The following ISOC2 variants were observed in gnomAD, a reference collection of about 807,000 sequenced individuals.
ISOC2 encodes the protein isochorismatase domain containing 2, also known as isochorismatase domain-containing protein 2.
ISOC2 carries 15 observed loss-of-function variants against 19.3 expected under a neutral mutation model. That is an observed-to-expected ratio of 0.78 (90% CI 0.52 to 1.20). The LOEUF (loss-of-function observed/expected upper bound fraction) is 1.20. ISOC2 is among the 50% of genes most tolerant of loss of function. The pLI, the probability that ISOC2 is intolerant of heterozygous loss-of-function variation, is 0.00. For synonymous variants in ISOC2, 106 were observed against 115.8 expected (o/e 0.92, Z 0.54); for missense variants, 285 against 272.4 (o/e 1.05, Z -0.33).
chr19:55,454,441 G>C (rs1311213223), intron 5 of ISOC2: 4 of 157,298 alleles, frequency 2.5e-5, no homozygotes, highest in Non-Finnish European at 5.6e-5. Flanking sequence ...GGAATGTCAA[G>C]GTCTGGGGCC....
intron 1 of ISOC2, among the ~76,000 whole-genome samples, chr19:55,459,509 T>C (rs1330229491): frequency 2.6e-5 from 4 of 151,862 alleles, no homozygotes; most frequent in African/African-American, 9.7e-5. Context: ...GACAGAAAAA[T>C]GATCTTTTCA....
chr19:55,461,266 G>T (rs1986230664), intron 1 of ISOC2, among the ~76,000 whole-genome samples: 1 of 152,184 alleles, frequency 6.6e-6, no homozygotes, highest in Non-Finnish European at 1.5e-5. Flanking sequence ...CTTTGTCTTA[G>T]CCTCAGTTTT....
chr19:55,461,155 G>A (rs939811100), intron 1 of ISOC2, among the ~76,000 whole-genome samples: 49 of 151,978 alleles, frequency 3.2e-4, no homozygotes, highest in African/African-American at 1.2e-3. Flanking sequence ...GAGGTGGGCG[G>A]CAACAGGGGG....
chr19:55,457,623 G>T (rs1986102849), intron 1 of ISOC2, among the ~76,000 whole-genome samples: 1 of 152,098 alleles, frequency 6.6e-6, no homozygotes, highest in Non-Finnish European at 1.5e-5. Flanking sequence ...GAGGCCAGGG[G>T]TTTGAGACCA....
Position 55,454,132 on chromosome 19 carries a change from G to A in ISOC2, c.538-744C>T, listed in dbSNP as rs114641864. 3.9e-3 allele frequency: 596 copies of A among 152,736 alleles called. 3 individuals carry two copies. The highest frequency in any genetic ancestry group is 0.012 in the African/African-American group (482 of 41,518). The allele number at this position is 152,736 out of a possible 1,614,324, so 9.5% of individuals were successfully genotyped here. ...TGAAGACAGGCTGCTGGCTCCTCCC[G>A]CGTGGTGCTCACCCTGGCCTGCTAC... On this transcript the variant is annotated intron_variant, in intron 5 of 5. Transcript: ENST00000425675.
intron 5 of ISOC2, chr19:55,454,738 A>C: frequency 1.9e-6 from 1 of 529,798 alleles, no homozygotes; most frequent in Non-Finnish European, 3.4e-6. Flanking sequence ...ACCCTCCAAT[A>C]CAAACCCCCT....
intron 1 of ISOC2, among the ~76,000 whole-genome samples, chr19:55,458,768 C>T (rs1358513076): frequency 6.6e-6 from 1 of 151,726 alleles, no homozygotes; most frequent in Non-Finnish European, 1.5e-5. Context: ...CCTCGTGATC[C>T]ACCCGCCTCA....
In ISOC2 at chr19:55,455,299, A is replaced by G. The variant is rs1433355255; in HGVS notation, c.380T>C (p.Leu127Pro). Residue 127 changes from leucine (L) to proline (P), a missense_variant, in exon 4 of 6, where the codon CTG becomes CCG. By Grantham distance (98) the Leu-to-Pro change is moderately conservative. Transcript: ENST00000425675. ...GGCGTCCACCACCACATGGACCTGC[A>G]GCCCCCGGTCTAGGAGGTCCAGGGT... ...NTTLDLLDRGLQVHVVVDACS... is the reference protein window; with the variant it reads ...NTTLDLLDRGPQVHVVVDACS... 1 of 1,613,890 alleles carries G rather than the reference A, an allele frequency of 6.2e-7. No homozygotes were observed. Among genetic ancestry groups the G allele is most frequent in the Non-Finnish European group, 8.5e-7 (1 of 1,179,876 alleles).
At chr19:55,456,718 C>A (rs1986072760) in intron 1 of ISOC2, among the ~76,000 whole-genome samples, 1 of 152,166 alleles carries the variant, frequency 6.6e-6, no homozygotes, top group African/African-American at 2.4e-5. Flanking sequence ...CCTTCTGGGC[C>A]ACATCCACAC....
intron 1 of ISOC2, among the ~76,000 whole-genome samples, chr19:55,458,757 A>T (rs1285584221): frequency 6.6e-6 from 1 of 151,152 alleles, no homozygotes; most frequent in Non-Finnish European, 1.5e-5. Context: ...TGAACTCCTG[A>T]CCTCGTGATC....
chr19:55,453,570 T>C, intron 5 of ISOC2, 182 bp from the exon 6 acceptor site: 1 of 470,606 alleles, frequency 2.1e-6, no homozygotes, highest in African/African-American at 2.0e-5. Context: ...CGTGACTGGT[T>C]GAGCTCCTCA....
intron 1 of ISOC2, among the ~76,000 whole-genome samples, chr19:55,460,323 A>G (rs1208930080): frequency 2.6e-5 from 4 of 152,238 alleles, no homozygotes; most frequent in Non-Finnish European, 4.4e-5. Context: ...CAAAGAAAAA[A>G]GGGAGAGGAA....
In ISOC2 at chr19:55,455,763, G is replaced by T; in HGVS notation, c.221C>A (p.Thr74Asn). 2 of 1,586,924 alleles carry T rather than the reference G, an allele frequency of 1.3e-6. No individual in the cohort carries two copies. Among genetic ancestry groups the T allele is most frequent in the Non-Finnish European group, 1.7e-6 (2 of 1,167,144 alleles). Residue 74 changes from threonine to asparagine, a missense_variant, in exon 3 of 6, where the codon ACT becomes AAT. Physicochemically the swap from Thr to Asn is moderately conservative, Grantham distance 65. Coordinates refer to ENST00000425675, the MANE Select transcript of ISOC2 (RefSeq NM_001136201.2). ...CTTGGCCAGCGGCCGAAGGCCCTCA[G>T]TCCCCAGCTCGGGCACCGTGGGGCC... Reference protein sequence around the residue: ...GLGPTVPELGTEGLRPLAKTC... With the variant: ...GLGPTVPELGNEGLRPLAKTC...
chr19:55,460,279 C>T (rs773494270), intron 1 of ISOC2, among the ~76,000 whole-genome samples: 1 of 152,126 alleles, frequency 6.6e-6, no homozygotes, highest in Non-Finnish European at 1.5e-5. Flanking sequence ...GAAAAAGAAG[C>T]AGAACAGTGT....
At position 55,453,344 on chromosome 19, in the gene ISOC2, C is replaced by T; in HGVS notation, c.582G>A (p.Leu194=). 6.2e-7 allele frequency: 1 copy of T among 1,608,208 alleles called. No homozygotes were observed. Among genetic ancestry groups the T allele is most frequent in the Non-Finnish European group, 8.5e-7 (1 of 1,177,500 alleles). Residue 194 remains leucine, a synonymous_variant, in exon 6 of 6, where the codon CTG becomes CTA. Transcript: ENST00000425675. ...IKEPAPDSGL[L]GLFQGQNSLL... is the part of the protein sequence containing the mutation. ...GGGAGTTCTGGCCTTGGAAGAGGCC[C>T]AGCAGTCCGCTGTCTGGGGCGGGCT...
At position 55,455,666 on chromosome 19, in the gene ISOC2, G is replaced by T. The variant is rs558740353; in HGVS notation, c.318C>A (p.Leu106=). The T allele has an allele frequency of 1.2e-6, 2 of 1,609,212 alleles. No individual in the cohort carries two copies. The highest frequency in any genetic ancestry group is 1.7e-6 in the Non-Finnish European group (2 of 1,177,310). Residue 106 remains leucine, a synonymous_variant, in exon 3 of 6, where the codon CTC becomes CTA. Transcript: ENST00000425675. ...DSRPQLRSVL[L]CGIEAQACIL... ...TGCAGGCCTGTGCCTCAATGCCACA[G>T]AGCAGCACAGAGCGCAGCTGGGGCC...
chr19:55,460,678 G>A (rs1224080683), intron 1 of ISOC2, among the ~76,000 whole-genome samples: 1 of 152,206 alleles, frequency 6.6e-6, no homozygotes, highest in Non-Finnish European at 1.5e-5. Flanking sequence ...TTTACACCAG[G>A]GTGCTCCCTT....
At chr19:55,456,808 TCCCGGTTACCATCCGC>T (rs577956994) in intron 1 of ISOC2, among the ~76,000 whole-genome samples, 5 of 152,122 alleles carry the variant, frequency 3.3e-5, no homozygotes, top group Non-Finnish European at 7.4e-5. Context: ...TGCTTCATGA[TCCCGGTTACCATCCGC>T]CCCGGTTACC....
chr19:55,456,448 T>C lies in ISOC2; in HGVS notation c.39A>G (p.Pro13=), dbSNP rs765304423. ...AARPSLGRVL[P]GSSVLFLCDM... ...CACACAGGAACAGGACAGAGGATCC[T>C]GGGAGGACTCGGCCCAGGCTGGGCC... Residue 13 remains proline, a synonymous_variant, in exon 2 of 6, where the codon CCA becomes CCG. Coordinates refer to ENST00000425675, the MANE Select transcript of ISOC2 (RefSeq NM_001136201.2). The C allele has an allele frequency of 5.6e-6, 9 of 1,613,358 alleles. No homozygotes were observed. Among genetic ancestry groups the C allele is most frequent in the Admixed American group, 1.7e-5 (1 of 59,942 alleles).
Sources: gnomAD v4.1 joint callset for allele counts (sites outside exome capture counted in the v4.1 genomes callset) on GRCh38, gnomAD v4.1.1 for gene constraint, MANE v1.5 for transcripts, NCBI Gene and HGNC (gene_info 2026-07-23, HGNC 2026-07-21) for gene names.